Variants in FGF14 observed in about 807,000 individuals in gnomAD.
FGF14 encodes the protein fibroblast growth factor homologous factor 4.
Under a neutral mutation model 25.5 loss-of-function variants are expected in FGF14, and 5 were observed. That is an observed-to-expected ratio of 0.20 (90% CI 0.10 to 0.41). The LOEUF is 0.41. FGF14 is among the 10% of genes least tolerant of loss of function. The pLI is 1.00. For synonymous variants in FGF14, 138 were observed against 118.3 expected (o/e 1.17, Z -1.08); for missense variants, 222 against 320.1 (o/e 0.69, Z 2.34).
chr13:101,961,242 T>G (rs1413842241), intron 1 of FGF14, among the ~76,000 whole-genome samples: 1 of 152,196 alleles, frequency 6.6e-6, no homozygotes, highest in Non-Finnish European at 1.5e-5. Flanking sequence ...TTTCAACATT[T>G]TCATCATGAA....
At chr13:101,915,485 T>C (rs1035835490) in intron 1 of FGF14, among the ~76,000 whole-genome samples, 15 of 152,170 alleles carry the variant, frequency 9.9e-5, no homozygotes, top group Non-Finnish European at 2.1e-4. Flanking sequence ...GCAATGCCCA[T>C]TTCCCCCACA....
At chr13:102,030,674 C>T (rs2041164685) in intron 1 of FGF14, among the ~76,000 whole-genome samples, 1 of 151,880 alleles carries the variant, frequency 6.6e-6, no homozygotes, top group Non-Finnish European at 1.5e-5. Flanking sequence ...TGGGTTGATC[C>T]CTATCTCATC....
At chr13:102,176,508 A>C (rs191364918) in intron 1 of FGF14, among the ~76,000 whole-genome samples, 1 of 152,246 alleles carries the variant, frequency 6.6e-6, no homozygotes, top group Non-Finnish European at 1.5e-5. Context: ...TAGAAGCACA[A>C]ACCTCACCAT....
chr13:101,841,746 CT>C (rs1351096731), intron 3 of FGF14, among the ~76,000 whole-genome samples: 1 of 151,888 alleles, frequency 6.6e-6, no homozygotes, highest in Non-Finnish European at 1.5e-5. Flanking sequence ...CACAAACTGT[CT>C]TGTTGTCAGT....
intron 4 of FGF14, among the ~76,000 whole-genome samples, chr13:101,725,623 A>T (rs1045026598): frequency 6.6e-6 from 1 of 152,088 alleles, no homozygotes; most frequent in Non-Finnish European, 1.5e-5. Flanking sequence ...GAGAATATGC[A>T]TTATGAAAAC....
intron 1 of FGF14, among the ~76,000 whole-genome samples, chr13:102,398,163 C>T (rs2058625398): frequency 6.6e-6 from 1 of 152,048 alleles, no homozygotes; most frequent in Non-Finnish European, 1.5e-5. Flanking sequence ...ATTGTGCAAA[C>T]ACATTTTTCA....
At chr13:101,838,206 A>G (rs1472051642) in intron 3 of FGF14, among the ~76,000 whole-genome samples, 1 of 151,978 alleles carries the variant, frequency 6.6e-6, no homozygotes, top group Non-Finnish European at 1.5e-5. Flanking sequence ...GAGAACCTTG[A>G]CATATACAGT....
At chr13:101,737,319 CA>C in intron 3 of FGF14, among the ~76,000 whole-genome samples, 1 of 151,990 alleles carries the variant, frequency 6.6e-6, no homozygotes, top group East Asian at 1.9e-4. Context: ...CTGAGTGGAA[CA>C]AATGTTATGG....
chr13:101,980,390 G>A (rs757231177), intron 1 of FGF14, among the ~76,000 whole-genome samples: 52 of 151,422 alleles, frequency 3.4e-4, no homozygotes, highest in Admixed American at 7.2e-4. Flanking sequence ...TTTCGATTAT[G>A]AGAGTGTTTT....
intron 3 of FGF14, among the ~76,000 whole-genome samples, chr13:101,775,304 A>G (rs2039035609): frequency 6.6e-6 from 1 of 152,148 alleles, no homozygotes; most frequent in Admixed American, 6.6e-5. Context: ...CATTAACCCA[A>G]AGAAAACTTA....
At position 101,890,014 on chromosome 13, in the gene FGF14, T is replaced by C. The variant is rs117949771; in HGVS notation, c.194-14718A>G. ...CTCCTGTCAAGAACCAGTCTTTGTGTTCCCTAATTATGATATTGTACCAAA... is the reference window on the plus strand; with the variant it reads ...CTCCTGTCAAGAACCAGTCTTTGTGCTCCCTAATTATGATATTGTACCAAA... On this transcript the variant is annotated intron_variant, in intron 1 of 4. Coordinates refer to ENST00000376143, the MANE Select transcript of FGF14 (RefSeq NM_004115.4). 1.0e-3 allele frequency among the ~76,000 whole-genome samples: 158 copies of C among 152,324 alleles called. 6 individuals carry two copies. In the East Asian group the frequency reaches 0.027, roughly 26 times the overall value.
At chr13:101,767,026 TTGTC>T (rs552779603) in intron 3 of FGF14, among the ~76,000 whole-genome samples, 5 of 152,224 alleles carry the variant, frequency 3.3e-5, no homozygotes, top group Admixed American at 6.5e-5. Flanking sequence ...TTTGTAATGT[TTGTC>T]TGTTTATTCT....
intron 3 of FGF14, among the ~76,000 whole-genome samples, chr13:101,732,473 C>A (rs1191107390): frequency 6.6e-6 from 1 of 152,166 alleles, no homozygotes; most frequent in Non-Finnish European, 1.5e-5. Context: ...TTACTAACCT[C>A]TATTTTCCAG....
At chr13:101,766,940 T>A (rs1172650646) in intron 3 of FGF14, among the ~76,000 whole-genome samples, 1 of 152,150 alleles carries the variant, frequency 6.6e-6, no homozygotes, top group Non-Finnish European at 1.5e-5. Flanking sequence ...CTATAAATAA[T>A]ACAGGTAGTT....
intron 1 of FGF14, among the ~76,000 whole-genome samples, chr13:102,290,753 C>T (rs1280559933): frequency 1.3e-5 from 2 of 152,148 alleles, no homozygotes; most frequent in African/African-American, 4.8e-5. Flanking sequence ...TCCAGGGCTA[C>T]TGTCACTCCT....
chr13:102,196,812 C>T (rs117609366), intron 1 of FGF14, among the ~76,000 whole-genome samples: 1 of 152,076 alleles, frequency 6.6e-6, no homozygotes, highest in Non-Finnish European at 1.5e-5. Context: ...AACTTTGTAC[C>T]GTTTGATCAA....
At chr13:102,155,925 C>A (rs1194589535) in intron 1 of FGF14, among the ~76,000 whole-genome samples, 1 of 152,186 alleles carries the variant, frequency 6.6e-6, no homozygotes, top group Non-Finnish European at 1.5e-5. Flanking sequence ...TGGATACATT[C>A]CTCGACACAT....
intron 1 of FGF14, among the ~76,000 whole-genome samples, chr13:101,880,880 T>A (rs1028001708): frequency 3.3e-5 from 5 of 152,226 alleles, no homozygotes; most frequent in Non-Finnish European, 5.9e-5. Flanking sequence ...AAATGGTTTT[T>A]GAGGCAAAAT....
intron 1 of FGF14, among the ~76,000 whole-genome samples, chr13:101,977,199 C>A (rs1295920108): frequency 1.5e-5 from 2 of 130,622 alleles, no homozygotes; most frequent in African/African-American, 5.4e-5. Flanking sequence ...TGCCCAGGAC[C>A]CAGGCACTAC....
Sources: allele counts gnomAD v4.1 joint callset (sites outside exome capture counted in the v4.1 genomes callset), GRCh38; gene constraint gnomAD v4.1.1; transcripts MANE v1.5; gene names NCBI Gene and HGNC (gene_info 2026-07-23, HGNC 2026-07-21).